DIAPH3: variants seen among roughly 807,000 people sequenced by gnomAD.
The protein encoded by DIAPH3 is diaphanous related formin 3, also known as protein diaphanous homolog 3.
In DIAPH3, 117 loss-of-function variants were observed where a neutral mutation model predicts 144.3. The observed-to-expected ratio is 0.81, with a 90% CI of 0.70 to 0.95. The LOEUF is 0.95. DIAPH3 is among the 40% of genes least tolerant of loss of function. The pLI is 0.00. For synonymous variants in DIAPH3, 519 were observed against 488.9 expected, an observed-to-expected ratio of 1.06 and a Z score of -0.81; for missense variants, 1,421 against 1,412.7, an observed-to-expected ratio of 1.01 and a Z score of -0.09.
chr13:60,049,779 T>C (rs964940244), intron 4 of DIAPH3, among the ~76,000 whole-genome samples: 12 of 152,320 alleles, frequency 7.9e-5, no homozygotes, highest in Middle Eastern at 3.4e-3. Flanking sequence ...CTTCAGTCTA[T>C]GCCAAAACAT....
At chr13:59,896,390 A>T (rs1933279347) in intron 20 of DIAPH3, among the ~76,000 whole-genome samples, 1 of 152,104 alleles carries the variant, frequency 6.6e-6, no homozygotes, top group Non-Finnish European at 1.5e-5. Flanking sequence ...CGCTCCCTTT[A>T]TCCAAACCAT....
intron 25 of DIAPH3, among the ~76,000 whole-genome samples, chr13:59,806,128 C>T (rs2040180195): frequency 6.6e-6 from 1 of 151,970 alleles, no homozygotes; most frequent in Non-Finnish European, 1.5e-5. Flanking sequence ...TTCTCTCTTC[C>T]TCCATCATCC....
intron 8 of DIAPH3, 66 bp from the exon 9 acceptor site, chr13:60,008,715 T>C (rs2053047757): frequency 9.8e-6 from 10 of 1,021,570 alleles, no homozygotes; most frequent in Non-Finnish European, 1.6e-5. Context: ...ACAATTGCTT[T>C]ATCCTACTAA....
At chr13:59,761,573 CAAAAG>C (rs1176326401) in intron 27 of DIAPH3, among the ~76,000 whole-genome samples, 1 of 152,034 alleles carries the variant, frequency 6.6e-6, no homozygotes, top group Non-Finnish European at 1.5e-5. Context: ...CTATACAACA[CAAAAG>C]AAAAGGTTGG....
At chr13:60,057,445 A>G (rs2670482) in intron 4 of DIAPH3, among the ~76,000 whole-genome samples, 84,451 of 151,828 alleles carry the variant, frequency 0.56, 24,037 homozygotes, top group Admixed American at 0.61. Flanking sequence ...TGGAAGAATC[A>G]ATATCATGAA....
At chr13:59,887,136 G>A (rs754310571) in intron 20 of DIAPH3, among the ~76,000 whole-genome samples, 21 of 151,744 alleles carry the variant, frequency 1.4e-4, no homozygotes, top group Admixed American at 6.6e-4. Flanking sequence ...GTCTTATTTC[G>A]CATGTATTTA....
chr13:59,883,128 G>A (rs1477594126), intron 20 of DIAPH3, among the ~76,000 whole-genome samples: 1 of 152,152 alleles, frequency 6.6e-6, no homozygotes, highest in Non-Finnish European at 1.5e-5. Flanking sequence ...ATTCAGTGCT[G>A]TGAGGGGCAC....
At chr13:60,070,157 A>G (rs554523095) in intron 4 of DIAPH3, among the ~76,000 whole-genome samples, 2 of 152,114 alleles carry the variant, frequency 1.3e-5, no homozygotes, top group East Asian at 3.9e-4. Context: ...AATTTATCTC[A>G]GCAATGTTTT....
At chr13:60,112,875 C>G (rs2058606633) in intron 2 of DIAPH3, among the ~76,000 whole-genome samples, 1 of 152,122 alleles carries the variant, frequency 6.6e-6, no homozygotes, top group South Asian at 2.1e-4. Context: ...GTTTACAAAG[C>G]TAATTATTCA....
At chr13:59,784,871 A>T (rs1566305323) in intron 25 of DIAPH3, among the ~76,000 whole-genome samples, 3 of 152,080 alleles carry the variant, frequency 2.0e-5, no homozygotes, top group South Asian at 4.2e-4. Flanking sequence ...ACACACACAC[A>T]GTTGCCCTAA....
At chr13:59,829,428 G>T (rs2041655243) in intron 24 of DIAPH3, among the ~76,000 whole-genome samples, 1 of 151,854 alleles carries the variant, frequency 6.6e-6, no homozygotes, top group South Asian at 2.1e-4. Context: ...AGCCTGGAAA[G>T]AATCTTAGCT....
chr13:59,890,790 T>C (rs2045742211), intron 20 of DIAPH3, among the ~76,000 whole-genome samples: 1 of 152,012 alleles, frequency 6.6e-6, no homozygotes, highest in Non-Finnish European at 1.5e-5. Context: ...TGGGGAGCTG[T>C]TTCGAGGCTA....
chr13:59,755,599 A>G (rs575525120), intron 27 of DIAPH3, among the ~76,000 whole-genome samples: 27 of 152,260 alleles, frequency 1.8e-4, no homozygotes, highest in African/African-American at 6.5e-4. Flanking sequence ...CCACAGATGA[A>G]ACAATCTGTT....
chr13:59,870,280 G>C (rs965176055), intron 21 of DIAPH3, among the ~76,000 whole-genome samples: 1 of 151,462 alleles, frequency 6.6e-6, no homozygotes, highest in East Asian at 1.9e-4. Flanking sequence ...ATATTTATAC[G>C]AATCTATTTC....
intron 25 of DIAPH3, among the ~76,000 whole-genome samples, chr13:59,784,106 G>A (rs559240369): frequency 1.4e-4 from 22 of 152,120 alleles, no homozygotes; most frequent in Admixed American, 3.3e-4. Context: ...ATTTAGAGGC[G>A]AAGTCTTGCT....
intron 17 of DIAPH3, among the ~76,000 whole-genome samples, chr13:59,969,489 C>T (rs1162694855): frequency 6.6e-6 from 1 of 152,106 alleles, no homozygotes; most frequent in Non-Finnish European, 1.5e-5. Flanking sequence ...CACCCATCAA[C>T]CCGTCATCTA....
chr13:59,904,045 CT>C (rs1035606900), intron 20 of DIAPH3, among the ~76,000 whole-genome samples: 2 of 152,114 alleles, frequency 1.3e-5, no homozygotes, highest in African/African-American at 4.8e-5. Flanking sequence ...AGGAAAGATA[CT>C]GAATTTTGTA....
intron 21 of DIAPH3, among the ~76,000 whole-genome samples, chr13:59,867,848 C>T (rs1050030552): frequency 6.6e-6 from 1 of 152,046 alleles, no homozygotes; most frequent in Non-Finnish European, 1.5e-5. Context: ...ACATTCATAA[C>T]AGGCAAATGG....
chr13:60,029,811 T>C (rs2054653846), intron 5 of DIAPH3, among the ~76,000 whole-genome samples: 1 of 152,146 alleles, frequency 6.6e-6, no homozygotes, highest in Non-Finnish European at 1.5e-5. Context: ...TTTTAGAAAG[T>C]TAAGCCAGAA....
Sources: gnomAD v4.1 joint callset for allele counts (sites outside exome capture counted in the v4.1 genomes callset) on GRCh38, gnomAD v4.1.1 for gene constraint, MANE v1.5 for transcripts, NCBI Gene and HGNC (gene_info 2026-07-23, HGNC 2026-07-21) for gene names.